ADAMTSL1: variants seen among roughly 807,000 people sequenced by gnomAD.
ADAMTSL1 encodes ADAMTS-like protein 1.
ADAMTSL1 carries 126 observed loss-of-function variants against 201.8 expected under a neutral mutation model. The observed-to-expected ratio is 0.62, with a 90% CI of 0.54 to 0.72. ADAMTSL1 has a LOEUF of 0.72. Among genes scored for constraint, ADAMTSL1 ranks in the 30% least tolerant of loss-of-function variants. ADAMTSL1 has a pLI of 0.00. For synonymous variants in ADAMTSL1, 1,121 were observed against 903.4 expected (o/e 1.24, Z -4.32); for missense variants, 2,679 against 2,277.8 (o/e 1.18, Z -3.59).
In ADAMTSL1 at chr9:18,639,316, T is replaced by C; in HGVS notation, c.739T>C (p.Phe247Leu). Residue 247 changes from phenylalanine (F) to leucine (L), a missense_variant, in exon 7 of 29, where the codon TTC becomes CTC. Physicochemically the swap from Phe to Leu is conservative, Grantham distance 22. Coordinates refer to ENST00000380548, the MANE Select transcript of ADAMTSL1 (RefSeq NM_001040272.6). ...AAACAGTCTCAGCTCCACAGGAACT[T>C]TCCTTGTGGACAATTCTAGTGTGGA... ...GENSLSSTGTFLVDNSSVDFQ... is the reference protein window; with the variant it reads ...GENSLSSTGTLLVDNSSVDFQ... 1 of 1,613,010 alleles carries C rather than the reference T, an allele frequency of 6.2e-7. No homozygotes were observed. Among genetic ancestry groups the C allele is most frequent in the Non-Finnish European group, 8.5e-7 (1 of 1,179,316 alleles).
chr9:18,888,649 C>CCAAT (rs1219975512), intron 24 of ADAMTSL1, among the ~76,000 whole-genome samples: 3 of 152,186 alleles, frequency 2.0e-5, no homozygotes, highest in African/African-American at 7.2e-5. Context: ...TAAATGAGGC[C>CCAAT]CAATCAGTGG....
intron 3 of ADAMTSL1, among the ~76,000 whole-genome samples, chr9:18,547,372 G>A (rs1377075230): frequency 2.6e-5 from 4 of 151,556 alleles, no homozygotes; most frequent in Admixed American, 2.0e-4. Flanking sequence ...TAAAACCAGT[G>A]GCATAGCCAG....
chr9:18,584,817 A>G (rs1349187792), intron 4 of ADAMTSL1, among the ~76,000 whole-genome samples: 1 of 152,150 alleles, frequency 6.6e-6, no homozygotes, highest in East Asian at 1.9e-4. Context: ...GAAAAAAAAG[A>G]TGGATCCATG....
At chr9:18,007,947 T>C (rs1819898130) in intron 1 of ADAMTSL1, among the ~76,000 whole-genome samples, 2 of 152,022 alleles carry the variant, frequency 1.3e-5, no homozygotes, top group African/African-American at 4.8e-5. Flanking sequence ...CCTCAGACCA[T>C]CTGACACATA....
chr9:18,251,977 T>A (rs1831480435), intron 2 of ADAMTSL1, among the ~76,000 whole-genome samples: 1 of 151,830 alleles, frequency 6.6e-6, no homozygotes, highest in African/African-American at 2.4e-5. Context: ...GAATTCCAGA[T>A]CAATTAAAGA....
intron 15 of ADAMTSL1, among the ~76,000 whole-genome samples, chr9:18,742,763 G>GT (rs1191312230): frequency 6.6e-6 from 1 of 152,112 alleles, no homozygotes; most frequent in African/African-American, 2.4e-5. Flanking sequence ...AAGAAAAAGG[G>GT]TTCATTTAGT....
chr9:18,681,698 G>GTGTGGC (rs66675938), intron 11 of ADAMTSL1, 114 bp from the exon 12 acceptor site: 65 of 322,962 alleles, frequency 2.0e-4, no homozygotes, highest in South Asian at 1.1e-3. Context: ...GTCCTCGTGT[G>GTGTGGC]GGGGGGGGGG....
chr9:18,665,098 C>T (rs1829350940), intron 9 of ADAMTSL1, among the ~76,000 whole-genome samples: 1 of 152,014 alleles, frequency 6.6e-6, no homozygotes. Flanking sequence ...GAAAAAATAA[C>T]TATCCTAAGA....
intron 2 of ADAMTSL1, among the ~76,000 whole-genome samples, chr9:18,232,026 C>G (rs1173902854): frequency 6.6e-6 from 1 of 152,180 alleles, no homozygotes; most frequent in Non-Finnish European, 1.5e-5. Context: ...AGAGAGATGT[C>G]AAAACATAAG....
chr9:18,737,874 C>T lies in ADAMTSL1; in HGVS notation c.2007-15424C>T, dbSNP rs114457157. Among the ~76,000 whole-genome samples the T allele has an allele frequency of 2.5e-3, 380 of 152,270 alleles. 2 individuals carry two copies. The highest frequency in any genetic ancestry group is 8.5e-3 in the African/African-American group (355 of 41,538). The stretch of plus-strand genomic sequence containing the variant: ...AGAACCAAGAGCTCCTTTAGTGATT[C>T]GGAATGTAGTATCTAGAGCCAGACT... On this transcript the variant is annotated intron_variant, in intron 15 of 28. Coordinates refer to ENST00000380548, the MANE Select transcript of ADAMTSL1 (RefSeq NM_001040272.6).
At chr9:18,452,660 A>G (rs1820455284) in intron 2 of ADAMTSL1, among the ~76,000 whole-genome samples, 1 of 152,244 alleles carries the variant, frequency 6.6e-6, no homozygotes, top group African/African-American at 2.4e-5. Context: ...CATTCCCATT[A>G]TAAAAGAAAT....
At chr9:18,833,728 A>G (rs966364896) in intron 23 of ADAMTSL1, among the ~76,000 whole-genome samples, 1 of 151,984 alleles carries the variant, frequency 6.6e-6, no homozygotes, top group Non-Finnish European at 1.5e-5. Flanking sequence ...TTCTGTTGCA[A>G]TTGCTTTTGG....
rs16936677 is a variant in ADAMTSL1, at chr9:18,426,230, G to A, written c.208-78599G>A. On this transcript the variant is annotated intron_variant, in intron 2 of 29. Transcript: ENST00000680146. Reference sequence around the variant, plus strand: ...ATCCCTGCCTAGGGCCCAGTCCACCGGCCAGCTATTATACATCCAGGAAGT... The same window carrying A: ...ATCCCTGCCTAGGGCCCAGTCCACCAGCCAGCTATTATACATCCAGGAAGT... Among the ~76,000 whole-genome samples the A allele has an allele frequency of 3.1e-3, 469 of 152,158 alleles. 1 individual carries two copies. Among genetic ancestry groups the A allele is most frequent in the African/African-American group, 0.011 (442 of 41,508 alleles).
At chr9:18,157,888 G>A (rs552159542) in intron 1 of ADAMTSL1, among the ~76,000 whole-genome samples, 1 of 151,954 alleles carries the variant, frequency 6.6e-6, no homozygotes, top group Non-Finnish European at 1.5e-5. Context: ...AACACCTGAA[G>A]CTACTTCAAG....
intron 1 of ADAMTSL1, among the ~76,000 whole-genome samples, chr9:18,063,605 G>A (rs1400414905): frequency 1.3e-5 from 2 of 152,196 alleles, no homozygotes; most frequent in African/African-American, 4.8e-5. Flanking sequence ...GGGCCATGTT[G>A]ACTAGGACCC....
At chr9:18,018,057 G>A (rs1820330685) in intron 1 of ADAMTSL1, among the ~76,000 whole-genome samples, 1 of 151,882 alleles carries the variant, frequency 6.6e-6, no homozygotes, top group African/African-American at 2.4e-5. Context: ...GCTAAGACTG[G>A]GTTTTACATT....
intron 2 of ADAMTSL1, among the ~76,000 whole-genome samples, chr9:18,341,328 G>T (rs1399400156): frequency 6.6e-6 from 1 of 151,974 alleles, no homozygotes; most frequent in East Asian, 1.9e-4. Flanking sequence ...CTGGGCTTTT[G>T]TTATGCTGTT....
intron 26 of ADAMTSL1, among the ~76,000 whole-genome samples, chr9:18,898,184 G>A (rs571235855): frequency 3.8e-4 from 58 of 152,220 alleles, no homozygotes; most frequent in African/African-American, 1.2e-3. Context: ...GCGAGACTCC[G>A]TCTCAAAAAA....
chr9:18,029,816 T>C (rs1820866736), intron 1 of ADAMTSL1, among the ~76,000 whole-genome samples: 3 of 152,134 alleles, frequency 2.0e-5, no homozygotes, highest in Admixed American at 6.5e-5. Context: ...TCACTGGCCA[T>C]CAGAGAAATG....
Sources: allele counts gnomAD v4.1 joint callset (sites outside exome capture counted in the v4.1 genomes callset), GRCh38; gene constraint gnomAD v4.1.1; transcripts MANE v1.5; gene names NCBI Gene and HGNC (gene_info 2026-07-23, HGNC 2026-07-21).